AGBL1: variants seen among roughly 807,000 people sequenced by gnomAD.
AGBL1 encodes the protein AGBL carboxypeptidase 1.
A neutral mutation model predicts 118.9 loss-of-function variants in AGBL1; 130 were observed. The ratio of observed to expected loss-of-function variants is 1.09; its 90% CI spans 0.95 to 1.26. AGBL1 has a LOEUF of 1.26. AGBL1 is among the 50% of genes most tolerant of loss of function. The pLI is 0.00. For synonymous variants in AGBL1, 555 were observed against 478.9 expected, an observed-to-expected ratio of 1.16 and a Z score of -2.08; for missense variants, 1,584 against 1,298.1, an observed-to-expected ratio of 1.22 and a Z score of -3.38.
At chr15:86,895,172 T>TC (rs397804385) in intron 22 of AGBL1, among the ~76,000 whole-genome samples, 9 of 148,988 alleles carry the variant, frequency 6.0e-5, no homozygotes, top group South Asian at 2.1e-4. Context: ...TCTTTCTCTT[T>TC]CCCCCCTCTT....
intron 22 of AGBL1, among the ~76,000 whole-genome samples, chr15:86,742,029 A>G (rs917320994): frequency 7.3e-5 from 11 of 151,376 alleles, no homozygotes; most frequent in African/African-American, 2.7e-4. Context: ...CACGCTAAAG[A>G]TGATGAAAGG....
At chr15:86,710,310 TAGTA>T (rs1440826855) in intron 22 of AGBL1, among the ~76,000 whole-genome samples, 1 of 152,174 alleles carries the variant, frequency 6.6e-6, no homozygotes, top group Non-Finnish European at 1.5e-5. Flanking sequence ...TCGCTTTACT[TAGTA>T]AGACCTATTA....
intron 18 of AGBL1, among the ~76,000 whole-genome samples, chr15:86,448,955 C>T (rs370959021): frequency 3.6e-4 from 54 of 151,902 alleles, no homozygotes; most frequent in African/African-American, 1.1e-3. Flanking sequence ...ATATTTGTGG[C>T]GAGTATATGA....
intron 18 of AGBL1, among the ~76,000 whole-genome samples, chr15:86,513,854 G>C (rs1375245121): frequency 6.6e-6 from 1 of 151,916 alleles, no homozygotes; most frequent in African/African-American, 2.4e-5. Flanking sequence ...CACCATTGTG[G>C]TTCCCTTAGA....
intron 18 of AGBL1, among the ~76,000 whole-genome samples, chr15:86,496,149 C>T (rs527573416): frequency 2.6e-5 from 4 of 152,104 alleles, no homozygotes; most frequent in African/African-American, 7.2e-5. Flanking sequence ...CGGTTTCCCC[C>T]ATGCTGGTCT....
chr15:86,350,980 G>C (rs780927784), intron 17 of AGBL1, among the ~76,000 whole-genome samples: 2 of 152,164 alleles, frequency 1.3e-5, no homozygotes, highest in Non-Finnish European at 2.9e-5. Flanking sequence ...AATACTTTTT[G>C]TATCAGAGAC....
chr15:86,410,950 TAG>T (rs1353171026), intron 18 of AGBL1, among the ~76,000 whole-genome samples: 6 of 126,564 alleles, frequency 4.7e-5, no homozygotes, highest in African/African-American at 1.2e-4. Context: ...TATATATATA[TAG>T]AGAGAGATCT....
intron 21 of AGBL1, among the ~76,000 whole-genome samples, chr15:86,570,733 C>T (rs192776924): frequency 1.8e-3 from 270 of 152,246 alleles, no homozygotes; most frequent in Non-Finnish European, 3.3e-3. Flanking sequence ...TTTCAGGTTT[C>T]CTTTTGCTAT....
chr15:86,427,575 A>G (rs2081882599), intron 18 of AGBL1, among the ~76,000 whole-genome samples: 1 of 151,810 alleles, frequency 6.6e-6, no homozygotes, highest in South Asian at 2.1e-4. Context: ...AAAAAAGGAC[A>G]CCTATTGGCA....
chr15:86,222,385 C>CCTAT (rs1361167784), intron 5 of AGBL1, among the ~76,000 whole-genome samples: 9 of 152,222 alleles, frequency 5.9e-5, no homozygotes, highest in African/African-American at 1.9e-4. Flanking sequence ...CTCTTATTCC[C>CCTAT]CTATCTACCT....
At chr15:86,989,588 G>T (rs2081318445) in intron 24 of AGBL1, among the ~76,000 whole-genome samples, 1 of 152,136 alleles carries the variant, frequency 6.6e-6, no homozygotes, top group South Asian at 2.1e-4. Context: ...CCCACTTAGT[G>T]CTGGGTGTTC....
intron 5 of AGBL1, among the ~76,000 whole-genome samples, chr15:86,223,749 G>T (rs903143132): frequency 9.2e-5 from 14 of 152,192 alleles, no homozygotes; most frequent in Non-Finnish European, 1.9e-4. Context: ...TTGTGGAACT[G>T]CCTTGTAGGT....
intron 22 of AGBL1, among the ~76,000 whole-genome samples, chr15:86,750,840 T>A (rs1018726502): frequency 6.6e-6 from 1 of 152,000 alleles, no homozygotes; most frequent in Non-Finnish European, 1.5e-5. Flanking sequence ...CCCCTATATG[T>A]TCATGTGTTC....
At chr15:86,427,773 A>C (rs993710521) in intron 18 of AGBL1, among the ~76,000 whole-genome samples, 2 of 152,154 alleles carry the variant, frequency 1.3e-5, no homozygotes, top group African/African-American at 4.8e-5. Context: ...TTTGACTTTA[A>C]CACTAGCGGT....
chr15:86,829,386 C>T (rs1596528097), intron 22 of AGBL1, among the ~76,000 whole-genome samples: 1 of 152,140 alleles, frequency 6.6e-6, no homozygotes. Flanking sequence ...GCAGGCTGCC[C>T]TTCCACTCAT....
At chr15:86,680,455 G>C (rs1419613113) in intron 22 of AGBL1, among the ~76,000 whole-genome samples, 1 of 151,486 alleles carries the variant, frequency 6.6e-6, no homozygotes, top group Non-Finnish European at 1.5e-5. Flanking sequence ...ATGTAGACGT[G>C]GCCAAATTTA....
intron 5 of AGBL1, among the ~76,000 whole-genome samples, chr15:86,162,187 G>A (rs768793515): frequency 6.6e-6 from 1 of 152,102 alleles, no homozygotes; most frequent in Non-Finnish European, 1.5e-5. Flanking sequence ...CTCAAGGGGG[G>A]TCTTGCAGGG....
intron 18 of AGBL1, among the ~76,000 whole-genome samples, chr15:86,468,321 C>A (rs948033254): frequency 6.6e-6 from 1 of 152,128 alleles, no homozygotes; most frequent in African/African-American, 2.4e-5. Flanking sequence ...AATCTAGAAA[C>A]CCTGTCCATC....
At chr15:86,930,789 T>C (rs1385487746) in intron 23 of AGBL1, among the ~76,000 whole-genome samples, 1 of 152,010 alleles carries the variant, frequency 6.6e-6, no homozygotes. Context: ...TAAAGGAAAA[T>C]CTTGAGTTTC....
Sources: gnomAD v4.1 joint callset for allele counts (sites outside exome capture counted in the v4.1 genomes callset) on GRCh38, gnomAD v4.1.1 for gene constraint, MANE v1.5 for transcripts, NCBI Gene and HGNC (gene_info 2026-07-23, HGNC 2026-07-21) for gene names.